WWOX: variants seen among roughly 807,000 people sequenced by gnomAD.
WWOX encodes WW domain-containing oxidoreductase.
Under a neutral mutation model 46.2 loss-of-function variants are expected in WWOX, and 69 were observed. The observed-to-expected ratio is 1.49, with a 90% CI of 1.23 to 1.82. The LOEUF is 1.82. Ranked by LOEUF, WWOX falls within the 40% of genes most tolerant of loss-of-function variation. The probability of loss-of-function intolerance (pLI) is 0.00; values close to 1 mark genes in which losing one functional copy is unlikely to be tolerated. For synonymous variants in WWOX, 359 were observed against 202.6 expected (o/e 1.77, Z -6.56); for missense variants, 919 against 542.6 (o/e 1.69, Z -6.89).
At chr16:78,975,340 C>T (rs1049846115) in intron 8 of WWOX, among the ~76,000 whole-genome samples, 2 of 152,056 alleles carry the variant, frequency 1.3e-5, no homozygotes, top group Admixed American at 6.5e-5. Flanking sequence ...GGGTAGAGGC[C>T]GGGGATAGTG....
intron 8 of WWOX, among the ~76,000 whole-genome samples, chr16:79,099,154 C>G (rs1201054517): frequency 1.3e-5 from 2 of 152,294 alleles, no homozygotes; most frequent in East Asian, 1.9e-4. Flanking sequence ...AGAGGGAGAA[C>G]TCACTCACTA....
intron 8 of WWOX, chr16:79,203,420 C>T (rs1240732203): frequency 6.6e-6 from 1 of 152,030 alleles, no homozygotes; most frequent in African/African-American, 2.4e-5. Flanking sequence ...CAAAGTACAT[C>T]CTCTTAATTT....
At position 79,094,503 on chromosome 16, in the gene WWOX, C is replaced by T. The variant is rs540122242; in HGVS notation, c.1057-117105C>T. On this transcript the variant is annotated intron_variant, in intron 8 of 8. Coordinates refer to ENST00000566780, the MANE Select transcript of WWOX (RefSeq NM_016373.4). ...CTGACCTCAGGCAGTCTGCCCACCT[C>T]GGCCTCCCAAAGTGCTGGGATGACG... 2.6e-3 allele frequency among the ~76,000 whole-genome samples: 393 copies of T among 152,244 alleles called. 3 individuals carry two copies. Among genetic ancestry groups the T allele is most frequent in the Non-Finnish European group, 2.9e-3 (195 of 68,014 alleles).
At chr16:78,847,772 TA>T (rs540806030) in intron 8 of WWOX, among the ~76,000 whole-genome samples, 134 of 146,196 alleles carry the variant, frequency 9.2e-4, no homozygotes, top group South Asian at 2.6e-3. Context: ...GTAGCTTGTT[TA>T]AAAAAAAAAA....
chr16:78,952,804 C>G (rs1434602327), intron 8 of WWOX, among the ~76,000 whole-genome samples: 2 of 152,146 alleles, frequency 1.3e-5, no homozygotes, highest in African/African-American at 2.4e-5. Context: ...TAGCTGTTAA[C>G]AAGTGTTTAT....
At chr16:78,137,009 C>T (rs1482806256) in intron 4 of WWOX, among the ~76,000 whole-genome samples, 2 of 152,098 alleles carry the variant, frequency 1.3e-5, no homozygotes, top group Admixed American at 6.5e-5. Flanking sequence ...CTGCGTGTGC[C>T]CGGTTCTCAA....
chr16:78,364,103 C>T lies in WWOX; in HGVS notation c.517-22757C>T, dbSNP rs537462028. 4.6e-5 allele frequency among the ~76,000 whole-genome samples: 7 copies of T among 152,182 alleles called. No individual in the cohort carries two copies. In the East Asian group the frequency reaches 7.7e-4, roughly 17 times the overall value. ...TTCCTTCAGAGCTAGTGACCTTGCC[C>T]TTCCTGGCCTGTGGATGTCGCTCTC... On this transcript the variant is annotated intron_variant, in intron 5 of 8. Coordinates refer to ENST00000566780, the MANE Select transcript of WWOX (RefSeq NM_016373.4).
chr16:78,101,012 G>C (rs2031739090), intron 1 of WWOX, among the ~76,000 whole-genome samples: 1 of 151,874 alleles, frequency 6.6e-6, no homozygotes. Context: ...TTTTTTGTAA[G>C]AGCCTTTTTC....
At chr16:78,880,957 C>G (rs535486885) in intron 8 of WWOX, among the ~76,000 whole-genome samples, 2 of 145,478 alleles carry the variant, frequency 1.4e-5, no homozygotes, top group South Asian at 4.5e-4. Context: ...ATGAGTCTAT[C>G]TTTCGGTCCC....
intron 8 of WWOX, among the ~76,000 whole-genome samples, chr16:78,482,780 C>T (rs1370378061): frequency 2.0e-5 from 3 of 152,096 alleles, no homozygotes; most frequent in Non-Finnish European, 4.4e-5. Flanking sequence ...CGAGAGTCAA[C>T]GATAAGACGC....
At chr16:78,922,486 C>G (rs911564115) in intron 8 of WWOX, among the ~76,000 whole-genome samples, 1 of 151,054 alleles carries the variant, frequency 6.6e-6, no homozygotes, top group Non-Finnish European at 1.5e-5. Context: ...TCAAGCGATT[C>G]TCGTGCCTCA....
intron 8 of WWOX, among the ~76,000 whole-genome samples, chr16:78,946,697 G>A (rs1429463686): frequency 6.6e-6 from 1 of 152,138 alleles, no homozygotes; most frequent in Non-Finnish European, 1.5e-5. Context: ...GGAAAACTGT[G>A]TGGTGCGTCT....
rs188149890 is a variant in WWOX at position 78,711,650 on chromosome 16, T to C, written c.1056+278898T>C. Among the ~76,000 whole-genome samples, 3 of 152,290 alleles carry C rather than the reference T, an allele frequency of 2.0e-5. No individual in the cohort carries two copies. In the East Asian group the frequency reaches 5.8e-4, roughly 29 times the overall value. On this transcript the variant is annotated intron_variant, in intron 8 of 8. Transcript: ENST00000566780. ...TATATAACATCGTCTGATAAATGTA[T>C]TTGAGACGAACAGGCCAAATGAAAG...
intron 8 of WWOX, among the ~76,000 whole-genome samples, chr16:79,121,690 G>A (rs1364076293): frequency 6.6e-6 from 1 of 152,162 alleles, no homozygotes; most frequent in African/African-American, 2.4e-5. Context: ...TGGGCTTTGG[G>A]AAGAGAAAAG....
chr16:78,305,820 G>A (rs1008918584), intron 5 of WWOX, among the ~76,000 whole-genome samples: 3 of 152,016 alleles, frequency 2.0e-5, no homozygotes, highest in African/African-American at 7.3e-5. Context: ...TTAACCTTGT[G>A]GCACAACATT....
intron 8 of WWOX, among the ~76,000 whole-genome samples, chr16:78,565,644 T>A (rs1227879788): frequency 6.6e-6 from 1 of 152,124 alleles, no homozygotes; most frequent in Non-Finnish European, 1.5e-5. Flanking sequence ...GATGACAGAG[T>A]CACAAATTTG....
chr16:78,442,800 C>T (rs973079603), intron 8 of WWOX, among the ~76,000 whole-genome samples: 9 of 151,700 alleles, frequency 5.9e-5, no homozygotes, highest in Middle Eastern at 3.4e-3. Context: ...GTCAACATTG[C>T]GAAATTCTGT....
At chr16:79,051,176 G>C (rs1185803290) in intron 8 of WWOX, among the ~76,000 whole-genome samples, 1 of 152,214 alleles carries the variant, frequency 6.6e-6, no homozygotes, top group African/African-American at 2.4e-5. Context: ...TGAAGTTGGA[G>C]CCTGTTGGGA....
intron 8 of WWOX, among the ~76,000 whole-genome samples, chr16:78,753,294 G>C (rs2049533632): frequency 6.6e-6 from 1 of 151,762 alleles, no homozygotes. Context: ...ACTCCAGCCT[G>C]AGCGACAGAG....
Sources: allele counts gnomAD v4.1 joint callset (sites outside exome capture counted in the v4.1 genomes callset), GRCh38; gene constraint gnomAD v4.1.1; transcripts MANE v1.5; gene names NCBI Gene and HGNC (gene_info 2026-07-23, HGNC 2026-07-21).